The following RPS6KC1 variants were observed in gnomAD, a reference collection of about 807,000 sequenced individuals.
RPS6KC1 encodes ribosomal protein S6 kinase C1.
In RPS6KC1, 54 loss-of-function variants were observed where a neutral mutation model predicts 103.8. The ratio of observed to expected loss-of-function variants is 0.52; its 90% CI spans 0.42 to 0.65. The LOEUF is 0.65. Ranked by LOEUF, RPS6KC1 falls within the 30% of genes least tolerant of loss-of-function variation. RPS6KC1 has a pLI of 0.00. For missense variants in RPS6KC1, 1,151 were observed against 1,253.8 expected, an observed-to-expected ratio of 0.92 and a Z score of 1.24; for synonymous variants, 439 against 438.7, an observed-to-expected ratio of 1.00 and a Z score of -0.01.
At chr1:213,630,759 G>A in the RPS6KC1 span, among the ~76,000 whole-genome samples, 1 of 152,128 alleles carries the variant, frequency 6.6e-6, no homozygotes, top group Non-Finnish European at 1.5e-5. Context: ...GTTTTGGTGT[G>A]GATGTCCTTT....
the RPS6KC1 span, among the ~76,000 whole-genome samples, chr1:213,534,757 A>T: frequency 6.6e-6 from 1 of 152,238 alleles, no homozygotes; most frequent in South Asian, 2.1e-4. Flanking sequence ...TTGAGCAGTC[A>T]AAAATAAGTA....
At chr1:213,496,112 C>T in the RPS6KC1 span, among the ~76,000 whole-genome samples, 2 of 151,148 alleles carry the variant, frequency 1.3e-5, no homozygotes, top group African/African-American at 4.9e-5. Flanking sequence ...GTAACAGATA[C>T]TAGAAATAAA....
At chr1:213,209,264 C>T (rs1498357) in intron 8 of RPS6KC1, among the ~76,000 whole-genome samples, 109,873 of 152,092 alleles carry the variant, frequency 0.72, 40,391 homozygotes, top group African/African-American at 0.85. Context: ...ACCTGTATTC[C>T]TTTACCACCT....
chr1:213,203,614 A>G (rs1440783790), intron 8 of RPS6KC1, among the ~76,000 whole-genome samples: 1 of 152,146 alleles, frequency 6.6e-6, no homozygotes, highest in Non-Finnish European at 1.5e-5. Flanking sequence ...TGTCTTGAAT[A>G]TACAGGGGTA....
chr1:213,363,604 C>T, the RPS6KC1 span, among the ~76,000 whole-genome samples: 20,638 of 86,064 alleles, frequency 0.24, 4,745 homozygotes, highest in Middle Eastern at 0.35. Context: ...CTTGCTCGCT[C>T]GCTTGCTTGC....
chr1:213,459,693 TG>T, the RPS6KC1 span, among the ~76,000 whole-genome samples: 1 of 152,210 alleles, frequency 6.6e-6, no homozygotes, highest in Non-Finnish European at 1.5e-5. Context: ...GGTGTCGTTT[TG>T]GATCCTTCCC....
At chr1:213,553,976 G>T in the RPS6KC1 span, among the ~76,000 whole-genome samples, 1 of 151,792 alleles carries the variant, frequency 6.6e-6, no homozygotes, top group East Asian at 1.9e-4. Flanking sequence ...TATTCTTTAG[G>T]TTGTCTGATT....
the RPS6KC1 span, among the ~76,000 whole-genome samples, chr1:213,592,395 A>C: frequency 6.6e-6 from 1 of 152,220 alleles, no homozygotes. Context: ...ATAATTTAAA[A>C]ATTTTATTAA....
chr1:213,277,974 C>T (rs180748525), downstream of RPS6KC1, among the ~76,000 whole-genome samples: 2 of 152,156 alleles, frequency 1.3e-5, no homozygotes, highest in East Asian at 1.9e-4. Context: ...GAGGCCAAGG[C>T]GGGTGAATTG....
the RPS6KC1 span, among the ~76,000 whole-genome samples, chr1:213,363,695 T>C: frequency 1.3e-3 from 105 of 80,848 alleles, 2 homozygotes; most frequent in East Asian, 4.7e-3. Context: ...TCTTTCTTTC[T>C]TTCTTTCCTT....
At chr1:213,607,772 C>G in the RPS6KC1 span, among the ~76,000 whole-genome samples, 1 of 151,796 alleles carries the variant, frequency 6.6e-6, no homozygotes, top group Admixed American at 6.6e-5. Flanking sequence ...TCTCAACTTT[C>G]AGAAGTGTTG....
At chr1:213,453,146 G>A in the RPS6KC1 span, among the ~76,000 whole-genome samples, 4 of 151,830 alleles carry the variant, frequency 2.6e-5, no homozygotes, top group African/African-American at 4.8e-5. Flanking sequence ...GGTATACTTC[G>A]GTATCTTGAC....
At chr1:213,160,456 ATTCCTTTTG>A (rs2148067340) in intron 6 of RPS6KC1, among the ~76,000 whole-genome samples, 1 of 152,352 alleles carries the variant, frequency 6.6e-6, no homozygotes, top group Admixed American at 6.5e-5. Flanking sequence ...GTTCACCTGT[ATTCCTTTTG>A]TTTGCATTTC....
At chr1:213,682,699 A>G in the RPS6KC1 span, among the ~76,000 whole-genome samples, 1 of 152,252 alleles carries the variant, frequency 6.6e-6, no homozygotes, top group Non-Finnish European at 1.5e-5. Flanking sequence ...CTATTTGTGA[A>G]GAAAAAAATC....
chr1:213,690,326 T>G, the RPS6KC1 span, among the ~76,000 whole-genome samples: 11,067 of 152,254 alleles, frequency 0.073, 485 homozygotes, highest in Non-Finnish European at 0.091. Context: ...GCGGGCCATT[T>G]TCCTGATGGC....
At chr1:213,432,347 AAC>A in the RPS6KC1 span, among the ~76,000 whole-genome samples, 1 of 152,236 alleles carries the variant, frequency 6.6e-6, no homozygotes, top group African/African-American at 2.4e-5. Flanking sequence ...TAGTTAAAGA[AAC>A]AGTTACTTAT....
the RPS6KC1 span, among the ~76,000 whole-genome samples, chr1:213,535,454 A>G: frequency 2.0e-5 from 3 of 152,230 alleles, no homozygotes; most frequent in East Asian, 5.8e-4. Flanking sequence ...GTCTAGAGAC[A>G]TGTATTCATC....
chr1:213,180,591 A>G (rs747211168), intron 8 of RPS6KC1, among the ~76,000 whole-genome samples: 2 of 152,146 alleles, frequency 1.3e-5, no homozygotes, highest in African/African-American at 4.8e-5. Flanking sequence ...GATAACTTTT[A>G]ATTATTTCTT....
At chr1:213,363,644 TTCTTTC>T in the RPS6KC1 span, among the ~76,000 whole-genome samples, 1 of 62,622 alleles carries the variant, frequency 1.6e-5, no homozygotes, top group South Asian at 4.7e-4. Context: ...CTTTCTTTCT[TTCTTTC>T]TTTCTTTCTT....
Sources: allele counts gnomAD v4.1 joint callset (sites outside exome capture counted in the v4.1 genomes callset), GRCh38; gene constraint gnomAD v4.1.1; transcripts MANE v1.5; gene names NCBI Gene and HGNC (gene_info 2026-07-23, HGNC 2026-07-21).